Variants in NCAPG2 observed in about 807,000 individuals in gnomAD.
NCAPG2 encodes the protein condensin-2 complex subunit G2.
NCAPG2 carries 53 observed loss-of-function variants against 141.1 expected under a neutral mutation model. That is an observed-to-expected ratio of 0.38 (90% CI 0.30 to 0.47). NCAPG2 has a LOEUF of 0.47. Ranked by LOEUF, NCAPG2 falls within the 20% of genes least tolerant of loss-of-function variation. The probability of loss-of-function intolerance (pLI) is 0.99; values close to 1 mark genes in which losing one functional copy is unlikely to be tolerated. For missense variants in NCAPG2, 1,087 were observed against 1,389.0 expected, an observed-to-expected ratio of 0.78 and a Z score of 3.46; for synonymous variants, 499 against 490.7, an observed-to-expected ratio of 1.02 and a Z score of -0.22.
intron 13 of NCAPG2, chr7:158,665,322 A>G (rs1464321882): frequency 6.5e-6 from 1 of 153,228 alleles, no homozygotes; most frequent in African/African-American, 2.4e-5. Context: ...AACCTGCAAA[A>G]ATCAGAACTG....
chr7:158,687,479 C>G, intron 6 of NCAPG2, 37 bp from the exon 7 acceptor site: 2 of 1,455,248 alleles, frequency 1.4e-6, no homozygotes, highest in South Asian at 1.2e-5. Flanking sequence ...TACATTGCAA[C>G]CAAATAAAAA....
chr7:158,684,013 C>T (rs1834602641), intron 8 of NCAPG2, among the ~76,000 whole-genome samples: 1 of 152,208 alleles, frequency 6.6e-6, no homozygotes, highest in Non-Finnish European at 1.5e-5. Context: ...CACCCTCACA[C>T]ATGAGCAGGA....
intron 2 of NCAPG2, among the ~76,000 whole-genome samples, chr7:158,700,983 C>A (rs12539199): frequency 5.3e-5 from 8 of 151,924 alleles, no homozygotes; most frequent in Non-Finnish European, 1.2e-4. Context: ...CAGCCCTTTC[C>A]CCTGGTATCC....
intron 26 of NCAPG2, among the ~76,000 whole-genome samples, chr7:158,645,237 A>C (rs533037004): frequency 1.3e-5 from 2 of 152,332 alleles, no homozygotes; most frequent in South Asian, 4.1e-4. Context: ...ACAGACAGGA[A>C]CACTTAAATG....
chr7:158,678,645 G>A (rs1003858375), intron 11 of NCAPG2, among the ~76,000 whole-genome samples: 5 of 150,156 alleles, frequency 3.3e-5, no homozygotes, highest in Admixed American at 1.3e-4. Flanking sequence ...TGATGATCAC[G>A]CCACTGGACT....
rs1262538356 is a variant in NCAPG2, at chr7:158,655,562, AC to A, written c.2389-108del. ...CCTGATCCTCAGGCGAGCTGAAAAG[AC>A]CCCCGCTCTGGTGAAGCCCAGTGTC... is the stretch of plus-strand genomic sequence containing the variant. On this transcript the variant is annotated intron_variant, in intron 19 of 27. Transcript: ENST00000356309. 6.5e-5 allele frequency: 58 copies of A among 897,488 alleles called. 1 individual carries two copies. In the Middle Eastern group the frequency reaches 1.6e-3, roughly 24 times the overall value. The allele number at this position is 897,488 out of a possible 1,614,324, so 55.6% of individuals were successfully genotyped here. A position where few individuals can be genotyped will look rare whatever the true frequency, so the allele number is the denominator to read the frequency against.
chr7:158,690,739 T>C lies in NCAPG2; in HGVS notation c.383-17A>G, dbSNP rs752682753. ...ATAAAATACCTAAAATACAGCACAG[T>C]AATTTTCCAATTAGTAAGGCAAATT... On this transcript the variant is annotated splice_polypyrimidine_tract_variant and intron_variant, in intron 4 of 27. Coordinates refer to ENST00000356309, the MANE Select transcript of NCAPG2 (RefSeq NM_017760.7). 6.2e-7 allele frequency: 1 copy of C among 1,606,426 alleles called. No homozygotes were observed. Among genetic ancestry groups the C allele is most frequent in the East Asian group, 2.2e-5 (1 of 44,762 alleles).
At chr7:158,690,524 A>T in intron 5 of NCAPG2, 44 bp downstream of exon 5, 2 of 1,579,540 alleles carry the variant, frequency 1.3e-6, no homozygotes, top group Non-Finnish European at 1.7e-6. Flanking sequence ...CATCTGGGCA[A>T]TAGAGAGAGA....
At chr7:158,677,389 G>C (rs1330309202) in intron 11 of NCAPG2, among the ~76,000 whole-genome samples, 1 of 151,524 alleles carries the variant, frequency 6.6e-6, no homozygotes, top group Non-Finnish European at 1.5e-5. Context: ...CCTGAGACAT[G>C]ACTCTACACA....
intron 19 of NCAPG2, among the ~76,000 whole-genome samples, chr7:158,655,717 T>C (rs370074136): frequency 6.6e-6 from 1 of 152,286 alleles, no homozygotes. Context: ...CCCTGCCTCA[T>C]GACCAGGCCC....
chr7:158,655,499 C>T (rs766781513), intron 19 of NCAPG2, 44 bp from the exon 20 acceptor site: 2 of 1,465,482 alleles, frequency 1.4e-6, no homozygotes, highest in Non-Finnish European at 1.9e-6. Context: ...ACTGACAAGG[C>T]ACCACCACAC....
chr7:158,700,293 G>C (rs1023559538), intron 2 of NCAPG2, among the ~76,000 whole-genome samples: 11 of 152,196 alleles, frequency 7.2e-5, no homozygotes, highest in African/African-American at 2.7e-4. Context: ...ATTCTCCTGA[G>C]ATGTCTGCTG....
chr7:158,638,575 AAG>A (rs1159323739), intron 27 of NCAPG2, among the ~76,000 whole-genome samples: 1 of 152,114 alleles, frequency 6.6e-6, no homozygotes, highest in Non-Finnish European at 1.5e-5. Flanking sequence ...AAGTGGAGTA[AAG>A]AGAGACCCTT....
rs370630902 is a variant in NCAPG2, at chr7:158,658,401, C to T, written c.1997G>A (p.Arg666His). ...TAGCATGAATAAAGGGATCTTGCAG[C>T]GATCATCCTAAAAGCGAAAAAAGAA... ...PEYLKVFKDDRCKIPLFMLMS... is the reference protein window; with the variant it reads ...PEYLKVFKDDHCKIPLFMLMS... The change falls in exon 17 of 28, where the codon CGC becomes CAC. Residue 666 changes from arginine (R) to histidine (H), a missense_variant. Physicochemically the swap from Arg to His is conservative, Grantham distance 29. Coordinates refer to ENST00000356309, the MANE Select transcript of NCAPG2 (RefSeq NM_017760.7). 47 of 1,609,242 alleles carry T rather than the reference C, an allele frequency of 2.9e-5. No homozygotes were observed. The highest frequency in any genetic ancestry group is 3.3e-5 in the Non-Finnish European group (39 of 1,177,464).
intron 27 of NCAPG2, chr7:158,639,913 G>A: frequency 3.4e-6 from 3 of 885,118 alleles, no homozygotes; most frequent in Non-Finnish European, 4.1e-6. Context: ...AAATATCCAA[G>A]ACCTGTGAGA....
intron 24 of NCAPG2, among the ~76,000 whole-genome samples, chr7:158,647,065 T>G (rs959176734): frequency 1.3e-5 from 2 of 152,204 alleles, no homozygotes; most frequent in East Asian, 3.9e-4. Context: ...AAAGTGTTTA[T>G]TCAGTGAGAC....
chr7:158,698,922 A>G (rs1164597773), intron 2 of NCAPG2, among the ~76,000 whole-genome samples: 1 of 151,768 alleles, frequency 6.6e-6, no homozygotes, highest in East Asian at 1.9e-4. Flanking sequence ...AGTAGTTGGG[A>G]CCACAGGCAC....
intron 19 of NCAPG2, 73 bp from the exon 20 acceptor site, chr7:158,655,528 T>C (rs1232576056): frequency 7.8e-7 from 1 of 1,278,974 alleles, no homozygotes; most frequent in Non-Finnish European, 1.1e-6. Flanking sequence ...GCAAGAACAA[T>C]GGGAAGCACC....
chr7:158,683,315 A>C lies in NCAPG2; in HGVS notation c.909T>G (p.His303Gln). 6.3e-7 allele frequency: 1 copy of C among 1,596,714 alleles called. No individual in the cohort carries two copies. The highest frequency in any genetic ancestry group is 8.5e-7 in the Non-Finnish European group (1 of 1,172,652). ...GIHLPRRSPV[H>Q]SKVREVLSYF... ...ACAATCTTACCTCCCGCACTTTGGA[A>C]TGCACTGGAGACCTCCTCGGAAGGT... The change falls in exon 9 of 28, where the codon CAT becomes CAG. Residue 303 changes from histidine (H) to glutamine (Q), a missense_variant. Physicochemically the swap from His to Gln is conservative, Grantham distance 24 (BLOSUM62 0). Transcript: ENST00000356309.
Sources: allele counts gnomAD v4.1 joint callset (sites outside exome capture counted in the v4.1 genomes callset), GRCh38; gene constraint gnomAD v4.1.1; transcripts MANE v1.5; gene names NCBI Gene and HGNC (gene_info 2026-07-23, HGNC 2026-07-21).